The following RBFOX1 variants were observed in gnomAD, a reference collection of about 807,000 sequenced individuals.
RBFOX1 encodes RNA binding fox-1 homolog 1.
A neutral mutation model predicts 57.7 loss-of-function variants in RBFOX1; 8 were observed. The observed-to-expected ratio is 0.14, with a 90% CI of 0.08 to 0.25. The LOEUF is 0.25. Among genes scored for constraint, RBFOX1 ranks in the 10% least tolerant of loss-of-function variants. The pLI is 1.00. For missense variants in RBFOX1, 611 were observed against 548.5 expected (o/e 1.11, Z -1.14); for synonymous variants, 326 against 222.4 (o/e 1.47, Z -4.15).
At chr16:7,688,049 C>A (rs1437420190) in intron 14 of RBFOX1, among the ~76,000 whole-genome samples, 1 of 152,026 alleles carries the variant, frequency 6.6e-6, no homozygotes, top group East Asian at 1.9e-4. Context: ...ATTGGCTGGG[C>A]AGTCAGGGCT....
intron 3 of RBFOX1, among the ~76,000 whole-genome samples, chr16:6,952,484 A>C (rs931681858): frequency 6.6e-6 from 1 of 151,632 alleles, no homozygotes; most frequent in Non-Finnish European, 1.5e-5. Context: ...CTGTCTCTAC[A>C]AAAAATTAGC....
At chr16:7,127,411 G>A (rs958878307) in intron 4 of RBFOX1, among the ~76,000 whole-genome samples, 1 of 152,128 alleles carries the variant, frequency 6.6e-6, no homozygotes, top group Admixed American at 6.5e-5. Context: ...TATGCACTTA[G>A]CCACTATTAT....
intron 4 of RBFOX1, among the ~76,000 whole-genome samples, chr16:7,276,863 T>A (rs1456325846): frequency 6.6e-6 from 1 of 152,230 alleles, no homozygotes; most frequent in Non-Finnish European, 1.5e-5. Flanking sequence ...GGCTTCTGTC[T>A]AATTATGTGT....
chr16:7,328,866 G>A (rs1050168686), intron 4 of RBFOX1: 1 of 152,130 alleles, frequency 6.6e-6, no homozygotes, highest in Non-Finnish European at 1.5e-5. Context: ...TAGATTAAGG[G>A]TTAGCAAACC....
chr16:5,434,483 A>G (rs1379120938), intron 1 of RBFOX1, among the ~76,000 whole-genome samples: 2 of 151,642 alleles, frequency 1.3e-5, no homozygotes, highest in African/African-American at 4.8e-5. Context: ...CACCATGCCC[A>G]GCTAATTTTT....
At chr16:5,772,661 T>C (rs568816566) in intron 3 of RBFOX1, among the ~76,000 whole-genome samples, 7 of 152,218 alleles carry the variant, frequency 4.6e-5, no homozygotes, top group Non-Finnish European at 1.0e-4. Context: ...AACAGGCAGC[T>C]AGAGGGGAGA....
At chr16:5,495,348 G>A (rs2042968166) in intron 2 of RBFOX1, among the ~76,000 whole-genome samples, 1 of 152,228 alleles carries the variant, frequency 6.6e-6, no homozygotes, top group Non-Finnish European at 1.5e-5. Flanking sequence ...GAGAGACTGA[G>A]GGGGAACGTG....
chr16:6,638,445 G>A (rs1393583523), intron 2 of RBFOX1, among the ~76,000 whole-genome samples: 1 of 151,984 alleles, frequency 6.6e-6, no homozygotes, highest in Admixed American at 6.6e-5. Flanking sequence ...CTTAGAGATT[G>A]GAAACTCAAG....
chr16:5,824,855 G>T (rs1221524734), intron 3 of RBFOX1, among the ~76,000 whole-genome samples: 1 of 152,132 alleles, frequency 6.6e-6, no homozygotes, highest in Non-Finnish European at 1.5e-5. Flanking sequence ...CCCGAGGTGG[G>T]CTAGGAGGTT....
At chr16:5,481,631 C>A (rs776866884) in intron 2 of RBFOX1, among the ~76,000 whole-genome samples, 2 of 152,212 alleles carry the variant, frequency 1.3e-5, no homozygotes, top group East Asian at 3.8e-4. Context: ...AAGTGCTTCA[C>A]TTTCCCTAAA....
chr16:7,447,665 C>T (rs904826485), intron 4 of RBFOX1, among the ~76,000 whole-genome samples: 1 of 152,206 alleles, frequency 6.6e-6, no homozygotes, highest in Non-Finnish European at 1.5e-5. Flanking sequence ...ATCTTCAGCT[C>T]TTCCTGTCTA....
chr16:6,308,674 C>T (rs1329129070), intron 1 of RBFOX1, among the ~76,000 whole-genome samples: 1 of 152,140 alleles, frequency 6.6e-6, no homozygotes, highest in African/African-American at 2.4e-5. Context: ...GCATTGGTGT[C>T]ACGTTTGGTA....
At chr16:7,549,226 A>C (rs971074772) in intron 5 of RBFOX1, among the ~76,000 whole-genome samples, 1 of 152,246 alleles carries the variant, frequency 6.6e-6, no homozygotes, top group Non-Finnish European at 1.5e-5. Context: ...CCCAATGCCT[A>C]TGACTTCACT....
chr16:6,052,015 A>G (rs571934702), intron 1 of RBFOX1, among the ~76,000 whole-genome samples: 1 of 152,262 alleles, frequency 6.6e-6, no homozygotes, highest in East Asian at 1.9e-4. Context: ...TGCTCTCTCT[A>G]GTCCAGTCCC....
At chr16:5,329,312 G>T (rs1334167083) in intron 1 of RBFOX1, among the ~76,000 whole-genome samples, 2 of 152,186 alleles carry the variant, frequency 1.3e-5, no homozygotes, top group African/African-American at 2.4e-5. Context: ...TTACAGTCAT[G>T]GTGGAAGGTG....
Position 6,662,881 on chromosome 16 carries a change from C to G in RBFOX1, c.-16+8231C>G, listed in dbSNP as rs1214955015. On this transcript the variant is annotated intron_variant, in intron 3 of 15. Coordinates refer to ENST00000550418, the MANE Select transcript of RBFOX1 (RefSeq NM_018723.4). ...TTTCTTTTCTTTAAAACAAATACTC[C>G]CATAGACTCGTAAAACATTTATTGA... Among the ~76,000 whole-genome samples, 6 of 152,148 alleles carry G rather than the reference C, an allele frequency of 3.9e-5. No homozygotes were observed. The East Asian group carries it at 1.2e-3, about 29-fold the overall frequency.
At chr16:6,725,792 A>G (rs1455495918) in intron 3 of RBFOX1, among the ~76,000 whole-genome samples, 2 of 151,954 alleles carry the variant, frequency 1.3e-5, no homozygotes, top group Non-Finnish European at 2.9e-5. Context: ...ATTTTAAGCC[A>G]TTTTCTGGCG....
At chr16:6,446,926 C>T (rs11862743) in intron 2 of RBFOX1, among the ~76,000 whole-genome samples, 38,724 of 151,862 alleles carry the variant, frequency 0.25, 5,081 homozygotes, top group Middle Eastern at 0.28. Context: ...AGGTGAGGAG[C>T]CTCTGTCTAG....
At chr16:6,485,909 A>G (rs183183081) in intron 2 of RBFOX1, among the ~76,000 whole-genome samples, 203 of 152,252 alleles carry the variant, frequency 1.3e-3, no homozygotes, top group African/African-American at 4.2e-3. Context: ...AATAACTATC[A>G]GTGCTGACTT....
Sources: gnomAD v4.1 joint callset for allele counts (sites outside exome capture counted in the v4.1 genomes callset) on GRCh38, gnomAD v4.1.1 for gene constraint, MANE v1.5 for transcripts, NCBI Gene and HGNC (gene_info 2026-07-23, HGNC 2026-07-21) for gene names.